The following GRID2 variants were observed in gnomAD, a reference collection of about 807,000 sequenced individuals.
GRID2 encodes the protein glutamate ionotropic receptor delta type subunit 2.
Under a neutral mutation model 114.8 loss-of-function variants are expected in GRID2, and 33 were observed. That is an observed-to-expected ratio of 0.29 (90% CI 0.22 to 0.38). The LOEUF (loss-of-function observed/expected upper bound fraction) is 0.38. Ranked by LOEUF, GRID2 falls within the 10% of genes least tolerant of loss-of-function variation. The pLI is 1.00. For missense variants in GRID2, 1,184 were observed against 1,257.7 expected, an observed-to-expected ratio of 0.94 and a Z score of 0.89; for synonymous variants, 505 against 449.9, an observed-to-expected ratio of 1.12 and a Z score of -1.55.
intron 2 of GRID2, among the ~76,000 whole-genome samples, chr4:92,792,246 G>A (rs1739625086): frequency 6.6e-6 from 1 of 151,724 alleles, no homozygotes; most frequent in African/African-American, 2.4e-5. Context: ...AAGGACTCCA[G>A]TGGACCTCAA....
intron 2 of GRID2, among the ~76,000 whole-genome samples, chr4:93,002,734 C>G (rs1011880135): frequency 7.3e-5 from 11 of 151,682 alleles, no homozygotes; most frequent in Non-Finnish European, 1.2e-4. Flanking sequence ...AGACTATTTC[C>G]TATGATGGCT....
At chr4:92,578,006 T>C (rs948363660) in intron 1 of GRID2, among the ~76,000 whole-genome samples, 3 of 151,838 alleles carry the variant, frequency 2.0e-5, no homozygotes, top group Non-Finnish European at 2.9e-5. Flanking sequence ...CAAGTGAAGA[T>C]TTGGGATGAC....
intron 13 of GRID2, among the ~76,000 whole-genome samples, chr4:93,596,297 GGGCTGGGTGCGGT>G (rs1346030088): frequency 2.6e-5 from 4 of 152,132 alleles, no homozygotes; most frequent in African/African-American, 9.7e-5. Flanking sequence ...GGCTACTTGA[GGGCTGGGTGCGGT>G]GGCTCACGCC....
chr4:93,026,222 C>T (rs1276969492), intron 2 of GRID2, among the ~76,000 whole-genome samples: 5 of 151,622 alleles, frequency 3.3e-5, no homozygotes, highest in Non-Finnish European at 7.4e-5. Flanking sequence ...CAGTTATAAC[C>T]CATTTCTGCT....
At chr4:92,972,215 T>G (rs990825584) in intron 2 of GRID2, among the ~76,000 whole-genome samples, 1 of 152,008 alleles carries the variant, frequency 6.6e-6, no homozygotes, top group African/African-American at 2.4e-5. Flanking sequence ...TTTTTTTTTT[T>G]TGTCTTTCTG....
intron 1 of GRID2, among the ~76,000 whole-genome samples, chr4:92,378,403 G>A (rs1316356258): frequency 6.6e-6 from 1 of 152,028 alleles, no homozygotes; most frequent in Admixed American, 6.6e-5. Flanking sequence ...TGGATTTACA[G>A]TTTAAGGATT....
intron 1 of GRID2, among the ~76,000 whole-genome samples, chr4:92,390,870 T>G (rs372021408): frequency 5.3e-5 from 8 of 152,182 alleles, no homozygotes; most frequent in East Asian, 3.9e-4. Flanking sequence ...AGTTCCATGA[T>G]GTCAAGGATT....
At chr4:93,203,603 TA>T (rs937102700) in intron 4 of GRID2, among the ~76,000 whole-genome samples, 3 of 152,292 alleles carry the variant, frequency 2.0e-5, no homozygotes, top group Admixed American at 1.3e-4. Context: ...GTATGTTTAT[TA>T]AAATTTATTA....
chr4:93,614,953 T>C (rs1164872362), intron 13 of GRID2, among the ~76,000 whole-genome samples: 2 of 152,230 alleles, frequency 1.3e-5, no homozygotes, highest in Non-Finnish European at 2.9e-5. Context: ...GAATTGCCTG[T>C]AATTTTTGGG....
intron 2 of GRID2, among the ~76,000 whole-genome samples, chr4:92,816,341 A>T (rs941857266): frequency 1.3e-5 from 2 of 150,528 alleles, no homozygotes; most frequent in South Asian, 4.2e-4. Context: ...AAAAAAAAAA[A>T]GTACATTTTA....
chr4:93,420,704 A>AATGT (rs1553926713), intron 9 of GRID2, among the ~76,000 whole-genome samples: 1 of 150,454 alleles, frequency 6.6e-6, no homozygotes, highest in Non-Finnish European at 1.5e-5. Flanking sequence ...AAAATATGGA[A>AATGT]ATTTATTTGT....
chr4:93,410,071 T>C (rs921984445), intron 9 of GRID2, among the ~76,000 whole-genome samples: 4 of 152,178 alleles, frequency 2.6e-5, no homozygotes, highest in African/African-American at 7.2e-5. Context: ...CTATATTATA[T>C]ACTTTTACAT....
intron 1 of GRID2, among the ~76,000 whole-genome samples, chr4:92,445,256 C>G (rs1274971065): frequency 2.0e-5 from 3 of 152,120 alleles, no homozygotes; most frequent in Admixed American, 2.0e-4. Flanking sequence ...CCCAGACTCT[C>G]TTGCCCTAGA....
intron 1 of GRID2, among the ~76,000 whole-genome samples, chr4:92,577,848 A>G (rs568584179): frequency 6.6e-6 from 1 of 152,230 alleles, no homozygotes; most frequent in African/African-American, 2.4e-5. Flanking sequence ...GAAAAACAAT[A>G]TAAAGAAAAT....
chr4:92,826,634 T>C (rs1024412881), intron 2 of GRID2, among the ~76,000 whole-genome samples: 1 of 152,160 alleles, frequency 6.6e-6, no homozygotes, highest in African/African-American at 2.4e-5. Context: ...ATCATAGCAG[T>C]TAAGCTTACT....
chr4:93,398,923 C>T (rs1765617887), intron 9 of GRID2, among the ~76,000 whole-genome samples: 1 of 151,714 alleles, frequency 6.6e-6, no homozygotes, highest in South Asian at 2.1e-4. Flanking sequence ...CAGTCATTCC[C>T]TTCTTATTTA....
intron 13 of GRID2, among the ~76,000 whole-genome samples, chr4:93,568,609 A>G (rs563358971): frequency 1.3e-5 from 2 of 152,348 alleles, no homozygotes; most frequent in African/African-American, 4.8e-5. Flanking sequence ...TAGATGCAGT[A>G]AGCACATCAT....
chr4:92,948,652 G>A (rs1751816520), intron 2 of GRID2, among the ~76,000 whole-genome samples: 1 of 151,910 alleles, frequency 6.6e-6, no homozygotes, highest in South Asian at 2.1e-4. Context: ...ATGTTATATT[G>A]CCTAGAATAA....
chr4:93,455,319 G>C (rs185925227), intron 10 of GRID2, among the ~76,000 whole-genome samples: 41 of 152,170 alleles, frequency 2.7e-4, no homozygotes, highest in African/African-American at 8.4e-4. Context: ...TCCATTATAA[G>C]CTTTTCCTTT....
Sources: gnomAD v4.1 joint callset for allele counts (sites outside exome capture counted in the v4.1 genomes callset) on GRCh38, gnomAD v4.1.1 for gene constraint, MANE v1.5 for transcripts, NCBI Gene and HGNC (gene_info 2026-07-23, HGNC 2026-07-21) for gene names.